CSNK2A2IP: variants seen among roughly 807,000 people sequenced by gnomAD.
CSNK2A2IP encodes the protein casein kinase II subunit alpha'-interacting protein.
At chr3:88,414,859 C>T in the CSNK2A2IP span, among the ~76,000 whole-genome samples, 219 of 151,870 alleles carry the variant, frequency 1.4e-3, 3 homozygotes, top group African/African-American at 4.9e-3. Flanking sequence ...ATAGGAAAGA[C>T]GAGCATAGAG....
the CSNK2A2IP span, among the ~76,000 whole-genome samples, chr3:88,374,519 T>C: frequency 2.0e-5 from 3 of 151,636 alleles, no homozygotes; most frequent in Non-Finnish European, 4.4e-5. Context: ...TTCTTAAAAG[T>C]CTACCAGTAT....
chr3:88,457,405 TA>T, the CSNK2A2IP span, among the ~76,000 whole-genome samples: 2 of 151,880 alleles, frequency 1.3e-5, no homozygotes, highest in African/African-American at 4.8e-5. Flanking sequence ...AGTTGCTTTT[TA>T]AAAAATCGAC....
At chr3:88,402,383 G>C in the CSNK2A2IP span, among the ~76,000 whole-genome samples, 2 of 152,068 alleles carry the variant, frequency 1.3e-5, no homozygotes, top group Non-Finnish European at 2.9e-5. Flanking sequence ...AATTGACCAG[G>C]ATCCAGCATT....
the CSNK2A2IP span, among the ~76,000 whole-genome samples, chr3:88,398,462 C>T: frequency 3.3e-5 from 5 of 152,192 alleles, 1 homozygote; most frequent in East Asian, 9.6e-4. Flanking sequence ...TAACAAAAAT[C>T]ATTTAAATCC....
the CSNK2A2IP span, among the ~76,000 whole-genome samples, chr3:88,430,301 T>A: frequency 2.0e-5 from 3 of 152,150 alleles, no homozygotes; most frequent in Admixed American, 6.5e-5. Context: ...GTTCTATAGA[T>A]GGAATATCTT....
the CSNK2A2IP span, among the ~76,000 whole-genome samples, chr3:88,414,870 T>C: frequency 1.3e-5 from 2 of 151,954 alleles, no homozygotes; most frequent in South Asian, 2.1e-4. Context: ...GAGCATAGAG[T>C]CTAATGTGGA....
the CSNK2A2IP span, among the ~76,000 whole-genome samples, chr3:88,440,585 G>C: frequency 6.6e-6 from 1 of 152,064 alleles, no homozygotes; most frequent in African/African-American, 2.4e-5. Flanking sequence ...AAAGAAAAAA[G>C]TACTTTTTGG....
the CSNK2A2IP span, among the ~76,000 whole-genome samples, chr3:88,418,106 TA>T: frequency 0.13 from 20,183 of 152,120 alleles, 1,776 homozygotes; most frequent in East Asian, 0.17. Flanking sequence ...GTTGTACGTA[TA>T]AGAAAATCCA....
the CSNK2A2IP span, among the ~76,000 whole-genome samples, chr3:88,383,008 T>A: frequency 7.2e-5 from 11 of 152,194 alleles, no homozygotes; most frequent in African/African-American, 2.7e-4. Flanking sequence ...TGTGGCATTG[T>A]AAAACAGTTT....
At chr3:88,465,870 T>G in the CSNK2A2IP span, 2 of 1,231,690 alleles carry the variant, frequency 1.6e-6, no homozygotes, top group Non-Finnish European at 2.0e-6. Flanking sequence ...GGAGATCACT[T>G]TCATTGAAGT....
chr3:88,450,364 C>T, the CSNK2A2IP span, among the ~76,000 whole-genome samples: 7 of 152,094 alleles, frequency 4.6e-5, no homozygotes, highest in Admixed American at 1.3e-4. Context: ...AGCACAGTTT[C>T]GTTACTTATA....
the CSNK2A2IP span, among the ~76,000 whole-genome samples, chr3:88,445,973 T>C: frequency 2.0e-5 from 3 of 148,798 alleles, no homozygotes; most frequent in African/African-American, 7.7e-5. Context: ...TCCCTCCCTC[T>C]CTCTCTTTCT....
At chr3:88,463,277 A>G in the CSNK2A2IP span, among the ~76,000 whole-genome samples, 1 of 136,314 alleles carries the variant, frequency 7.3e-6, no homozygotes, top group African/African-American at 2.7e-5. Flanking sequence ...TGTATCATGT[A>G]TCTTTATTTA....
the CSNK2A2IP span, among the ~76,000 whole-genome samples, chr3:88,350,415 T>A: frequency 5.3e-5 from 8 of 152,216 alleles, no homozygotes; most frequent in Admixed American, 4.6e-4. Flanking sequence ...ATCTGGTTGC[T>A]TAATTAGCAT....
At chr3:88,401,100 C>A in the CSNK2A2IP span, among the ~76,000 whole-genome samples, 1 of 152,036 alleles carries the variant, frequency 6.6e-6, no homozygotes, top group Admixed American at 6.6e-5. Flanking sequence ...TGTTATTGAG[C>A]AGTATATAAT....
At chr3:88,357,714 A>C in the CSNK2A2IP span, among the ~76,000 whole-genome samples, 3 of 151,990 alleles carry the variant, frequency 2.0e-5, no homozygotes, top group Non-Finnish European at 4.4e-5. Flanking sequence ...ATTAATGAAC[A>C]TAAAATATCT....
the CSNK2A2IP span, among the ~76,000 whole-genome samples, chr3:88,441,924 A>C: frequency 6.6e-6 from 1 of 152,186 alleles, no homozygotes; most frequent in Non-Finnish European, 1.5e-5. Flanking sequence ...CTGGTGAAAA[A>C]GGACTGTCTT....
chr3:88,451,753 T>C, the CSNK2A2IP span, among the ~76,000 whole-genome samples: 4 of 151,118 alleles, frequency 2.6e-5, no homozygotes, highest in African/African-American at 9.7e-5. Flanking sequence ...TACCACTTTC[T>C]ACTTCAGTTA....
At chr3:88,467,221 ACCACCTCCT>A in the CSNK2A2IP span, 1 of 394,258 alleles carries the variant, frequency 2.5e-6, no homozygotes, top group South Asian at 1.3e-4. Context: ...CTCCTCCTCC[ACCACCTCCT>A]CCTCCTCCTC....
Sources: allele counts gnomAD v4.1 joint callset (sites outside exome capture counted in the v4.1 genomes callset), GRCh38; gene constraint gnomAD v4.1.1; transcripts MANE v1.5; gene names NCBI Gene and HGNC (gene_info 2026-07-23, HGNC 2026-07-21).